EXTL1: variants seen among roughly 807,000 people sequenced by gnomAD.
The protein encoded by EXTL1 is exostosin like glycosyltransferase 1.
EXTL1 carries 43 observed loss-of-function variants against 64.6 expected under a neutral mutation model. That is an observed-to-expected ratio of 0.67 (90% CI 0.52 to 0.86). The LOEUF is 0.86. Ranked by LOEUF, EXTL1 falls within the 40% of genes least tolerant of loss-of-function variation. EXTL1 has a pLI of 0.00. For synonymous variants in EXTL1, 352 were observed against 360.5 expected (o/e 0.98, Z 0.27); for missense variants, 766 against 879.0 (o/e 0.87, Z 1.62).
In EXTL1 at chr1:26,032,442, C is replaced by G. The variant is rs140906656; in HGVS notation, c.1388C>G (p.Pro463Arg). ...GAGAGGCCACTCCCATCCAGGTGGC[C>G]GGAGACAGCTGTGCCCTTGACAGTC... ...SNERPLPSRW[P>R]ETAVPLTVID... The change falls in exon 7 of 11, where the codon CCG (proline) becomes CGG (arginine). Residue 463 changes from proline to arginine, a missense_variant. Physicochemically the swap from Pro to Arg is moderately radical, Grantham distance 103. Around this residue, in one of 3 missense-constraint regions of EXTL1, gnomAD observed 571 missense variants for 647.6 expected, o/e 0.88. Coordinates refer to ENST00000374280, the MANE Select transcript of EXTL1 (RefSeq NM_004455.3). 4 of 1,554,912 alleles carry G rather than the reference C, an allele frequency of 2.6e-6. No individual in the cohort carries two copies. Among genetic ancestry groups the G allele is most frequent in the Non-Finnish European group, 3.5e-6 (4 of 1,148,842 alleles).
intron 3 of EXTL1, 87 bp from the exon 4 acceptor site, chr1:26,030,389 G>A: frequency 7.6e-6 from 8 of 1,050,936 alleles, no homozygotes; most frequent in Non-Finnish European, 1.1e-5. Flanking sequence ...CTGGAGTGCA[G>A]TGGCACGAAT....
chr1:26,027,102 T>G (rs2050224917), intron 1 of EXTL1, among the ~76,000 whole-genome samples: 1 of 152,188 alleles, frequency 6.6e-6, no homozygotes. Context: ...CAGCACCCAC[T>G]GAGCTCCCAT....
intron 3 of EXTL1, 104 bp downstream of exon 3, chr1:26,029,811 T>C: frequency 1.4e-6 from 1 of 699,712 alleles, no homozygotes; most frequent in Non-Finnish European, 2.5e-6. Flanking sequence ...CTATCTGCCT[T>C]CTATGGATAC....
At position 26,035,507 on chromosome 1, in the gene EXTL1, T is replaced by C. The variant is rs1007709849; in HGVS notation, c.*160T>C. 1 of 566,380 alleles carries C rather than the reference T, an allele frequency of 1.8e-6. No homozygotes were observed. 35.1% of individuals were successfully genotyped at this position (566,380 alleles called of 1,614,324 possible). Reference sequence around the variant, plus strand: ...GTTGGCCAATCACAACAGGGGGGCGTGGCCTTACCTTCTCCTGCTCGCCCT... The same window carrying C: ...GTTGGCCAATCACAACAGGGGGGCGCGGCCTTACCTTCTCCTGCTCGCCCT... On this transcript the variant is annotated 3_prime_UTR_variant, in exon 11 of 11. Transcript: ENST00000374280. The surrounding 1 kb of genome is among the most constrained non-coding windows in gnomAD (Gnocchi z 5.3).
At position 26,031,045 on chromosome 1, in the gene EXTL1, G is replaced by C. The variant is rs1329591206; in HGVS notation, c.1102-87G>C. ...CTGACCCCAGGGGTCTGGTGATGCAGCTGCCACCCTCCCCAGAGCCTGGAA... is the reference window on the plus strand; with the variant it reads ...CTGACCCCAGGGGTCTGGTGATGCACCTGCCACCCTCCCCAGAGCCTGGAA... On this transcript the variant is annotated intron_variant, in intron 4 of 10. Transcript: ENST00000374280. 1.9e-6 allele frequency: 3 copies of C among 1,554,612 alleles called. No homozygotes were observed. In the Admixed American group the frequency reaches 5.3e-5, roughly 28 times the overall value.
intron 6 of EXTL1, 124 bp downstream of exon 6, chr1:26,031,690 C>A: frequency 1.9e-6 from 1 of 513,490 alleles, no homozygotes; most frequent in Non-Finnish European, 3.2e-6. Context: ...GGAAGATTTC[C>A]AAGTGTTCTT....
rs759541257 is a variant in EXTL1, at chr1:26,023,041, G to GCCT, written c.409_411dup (p.Leu137dup). The GCCT allele has an allele frequency of 1.1e-5, 17 of 1,613,612 alleles. No individual in the cohort carries two copies. Among genetic ancestry groups the GCCT allele is most frequent in the Admixed American group, 3.3e-5 (2 of 59,972 alleles). On this transcript the variant is annotated inframe_insertion, in exon 1 of 11. Coordinates refer to ENST00000374280, the MANE Select transcript of EXTL1 (RefSeq NM_004455.3). Reference sequence around the variant, plus strand: ...TACACATTCAGCCCTGCTGGGGCCTGCCTCCTCCTCCTCCTCAGCCTGGAC... The same window carrying GCCT: ...TACACATTCAGCCCTGCTGGGGCCTGCCTCCTCCTCCTCCTCCTCAGCCTGGAC...
intron 4 of EXTL1, 34 bp from the exon 5 acceptor site, chr1:26,031,097 GC>G: frequency 6.2e-7 from 1 of 1,613,590 alleles, no homozygotes; most frequent in Non-Finnish European, 8.5e-7. Context: ...GGTCACACAG[GC>G]CACTCGCTCT....
In EXTL1 at chr1:26,022,320, C is replaced by A. The variant is rs965038651; in HGVS notation, c.-327C>A. 25 of 291,368 alleles carry A rather than the reference C, an allele frequency of 8.6e-5. No homozygotes were observed. In the South Asian group the frequency reaches 8.7e-4, roughly 10 times the overall value. 18.0% of individuals were successfully genotyped at this position (291,368 alleles called of 1,614,324 possible). Reference sequence around the variant, plus strand: ...GCATTCTGGACAGGGGTTGCGTCAGCCAGAGCAGTGCCCAGGGGCAGGGGT... The same window carrying A: ...GCATTCTGGACAGGGGTTGCGTCAGACAGAGCAGTGCCCAGGGGCAGGGGT... On this transcript the variant is annotated 5_prime_UTR_variant, in exon 1 of 11. Coordinates refer to ENST00000374280, the MANE Select transcript of EXTL1 (RefSeq NM_004455.3).
chr1:26,034,836 G>GTAT lies in EXTL1; in HGVS notation c.1683_1685dup (p.Tyr562dup). On this transcript the variant is annotated inframe_insertion and splice_region_variant, in exon 10 of 11. Transcript: ENST00000374280. The surrounding 1 kb of genome is among the most constrained non-coding windows in gnomAD (Gnocchi z 4.6). Reference sequence around the variant, plus strand: ...CTCCCTGTCTTTTCCTCTTGCCCAGGTATTACCACACTCTCTTCACCCACT... The same window carrying GTAT: ...CTCCCTGTCTTTTCCTCTTGCCCAGGTATTATTACCACACTCTCTTCACCCACT... 6.2e-7 allele frequency: 1 copy of GTAT among 1,613,450 alleles called. No homozygotes were observed. The highest frequency in any genetic ancestry group is 8.5e-7 in the Non-Finnish European group (1 of 1,179,518).
In EXTL1 at chr1:26,035,345, TA is replaced by T. The variant is rs2124415268; in HGVS notation, c.2030del (p.Ter677TrpfsTer86). 4 of 1,600,546 alleles carry T rather than the reference TA, an allele frequency of 2.5e-6. No homozygotes were observed. Among genetic ancestry groups the T allele is most frequent in the Non-Finnish European group, 3.4e-6 (4 of 1,171,018 alleles). On this transcript the variant is annotated frameshift_variant and stop_lost, in exon 11 of 11. Transcript: ENST00000374280. LOFTEE classifies it high-confidence loss of function. This position sits in a 1 kb window ranked among gnomAD's most constrained non-coding sequence, Gnocchi z 5.3. ...GAAGTACCGCAGCCTGGAGAAGCCCTAGGGGGGCGACCCGCGGAGACCCCAG... is the reference window on the plus strand; with the variant it reads ...GAAGTACCGCAGCCTGGAGAAGCCCTGGGGGGCGACCCGCGGAGACCCCAG... The part of the protein sequence containing the change: ...RKKYRSLEKP[*>X]
At chr1:26,027,511 A>G (rs974997967) in intron 1 of EXTL1, among the ~76,000 whole-genome samples, 2 of 151,974 alleles carry the variant, frequency 1.3e-5, no homozygotes, top group Non-Finnish European at 2.9e-5. Flanking sequence ...CTCTGGAGAG[A>G]TCAAGGAGGG....
intron 2 of EXTL1, 94 bp from the exon 3 acceptor site, chr1:26,029,506 C>A: frequency 1.3e-6 from 1 of 778,026 alleles, no homozygotes; most frequent in Non-Finnish European, 2.2e-6. Context: ...TTGCCCCTTG[C>A]CCCCAACAGC....
Position 26,032,467 on chromosome 1 carries a change from C to T in EXTL1, c.1413C>T (p.Val471=), listed in dbSNP as rs756752591. The T allele has an allele frequency of 1.3e-6, 2 of 1,551,868 alleles. No homozygotes were observed. The part of the protein sequence containing the change: ...RWPETAVPLT[V]IDGHRKVSDR... Reference sequence around the variant, plus strand: ...CGGAGACAGCTGTGCCCTTGACAGTCATTGATGGGCACAGGAAGGTAAGGG... The same window carrying T: ...CGGAGACAGCTGTGCCCTTGACAGTTATTGATGGGCACAGGAAGGTAAGGG... The change falls in exon 7 of 11, where the codon GTC becomes GTT. Residue 471 remains valine (V), a synonymous_variant. Transcript: ENST00000374280.
At chr1:26,031,974 C>T (rs1440794223) in intron 6 of EXTL1, among the ~76,000 whole-genome samples, 1 of 152,166 alleles carries the variant, frequency 6.6e-6, no homozygotes, top group Non-Finnish European at 1.5e-5. Context: ...TAATAAGAGT[C>T]CTTGTAGAGG....
chr1:26,033,570 G>T lies in EXTL1; in HGVS notation c.1519-126G>T. On this transcript the variant is annotated intron_variant, in intron 8 of 10. Coordinates refer to ENST00000374280, the MANE Select transcript of EXTL1 (RefSeq NM_004455.3). The surrounding 1 kb of genome is among the most constrained non-coding windows in gnomAD (Gnocchi z 5.1). ...CACTTCCAGCCAATTCCAAGTCTTG[G>T]CTCCCGCGCCCTCTCCCCTGAGTCC... is the stretch of plus-strand genomic sequence containing the variant. 1 of 964,836 alleles carries T rather than the reference G, an allele frequency of 1.0e-6. No homozygotes were observed. 59.8% of individuals were successfully genotyped at this position (964,836 alleles called of 1,614,324 possible).
rs1288829028 is a variant in EXTL1 at position 26,034,650 on chromosome 1, C to T, written c.1680-186C>T. Among the ~76,000 whole-genome samples, 2 of 152,162 alleles carry T rather than the reference C, an allele frequency of 1.3e-5. No homozygotes were observed. Among genetic ancestry groups the T allele is most frequent in the Non-Finnish European group, 2.9e-5 (2 of 68,034 alleles). ...AGGGCAGGGAACACACCACTAACTGCAGATAAGCCACGGGGCACAGCACAA... is the reference window on the plus strand; with the variant it reads ...AGGGCAGGGAACACACCACTAACTGTAGATAAGCCACGGGGCACAGCACAA... On this transcript the variant is annotated intron_variant, in intron 9 of 10. Transcript: ENST00000374280. The surrounding 1 kb of genome is among the most constrained non-coding windows in gnomAD (Gnocchi z 4.6).
At position 26,022,401 on chromosome 1, in the gene EXTL1, C is replaced by A. The variant is rs1171577122; in HGVS notation, c.-246C>A. On this transcript the variant is annotated 5_prime_UTR_variant, in exon 1 of 11. Coordinates refer to ENST00000374280, the MANE Select transcript of EXTL1 (RefSeq NM_004455.3). ...TGTCCAAAGGCCGAGAAGGCAGAGT[C>A]CTGAGAGCAGGGGGGCCAGGCCAGC... The A allele has an allele frequency of 2.1e-6, 1 of 480,878 alleles. No individual in the cohort carries two copies. The highest frequency in any genetic ancestry group is 3.7e-6 in the Non-Finnish European group (1 of 271,858). 29.8% of individuals were successfully genotyped at this position (480,878 alleles called of 1,614,324 possible). A position where few individuals can be genotyped will look rare whatever the true frequency, so the allele number is the denominator to read the frequency against.
At chr1:26,023,698 T>C (rs976782151) in intron 1 of EXTL1, among the ~76,000 whole-genome samples, 17 of 152,342 alleles carry the variant, frequency 1.1e-4, no homozygotes, top group Admixed American at 3.9e-4. Context: ...CCAAACCTCC[T>C]ACCCTAATAT....
Sources: allele counts gnomAD v4.1 joint callset (sites outside exome capture counted in the v4.1 genomes callset), GRCh38; gene constraint gnomAD v4.1.1; regional missense constraint gnomAD v4.1.1; non-coding constraint Gnocchi (gnomAD v3.1); transcripts MANE v1.5; gene names NCBI Gene and HGNC (gene_info 2026-07-23, HGNC 2026-07-21).